The following ZC3H12D variants were observed in gnomAD, a reference collection of about 807,000 sequenced individuals.
ZC3H12D encodes probable ribonuclease ZC3H12D.
Under a neutral mutation model 24.2 loss-of-function variants are expected in ZC3H12D, and 11 were observed. That is an observed-to-expected ratio of 0.46 (90% confidence interval 0.29 to 0.75). The LOEUF is 0.75. ZC3H12D is among the 30% of genes least tolerant of loss of function. The probability of loss-of-function intolerance (pLI) is 0.11; values close to 1 mark genes in which losing one functional copy is unlikely to be tolerated. For synonymous variants in ZC3H12D, 333 were observed against 341.8 expected, an observed-to-expected ratio of 0.97 and a Z score of 0.28; for missense variants, 740 against 767.7, an observed-to-expected ratio of 0.96 and a Z score of 0.43.
At chr6:149,464,528 C>T (rs1339972203) in intron 2 of ZC3H12D, among the ~76,000 whole-genome samples, 3 of 152,174 alleles carry the variant, frequency 2.0e-5, no homozygotes, top group Admixed American at 6.5e-5. Flanking sequence ...ATCCCTCTCA[C>T]GAGCTCTCAC....
intron 2 of ZC3H12D, among the ~76,000 whole-genome samples, chr6:149,467,258 T>C (rs1405014525): frequency 6.6e-6 from 1 of 152,178 alleles, no homozygotes; most frequent in African/African-American, 2.4e-5. Flanking sequence ...GGAGCTCTTT[T>C]TTTTTTATTT....
chr6:149,476,982 G>A (rs532069430), intron 1 of ZC3H12D, among the ~76,000 whole-genome samples: 3 of 152,320 alleles, frequency 2.0e-5, no homozygotes, highest in Admixed American at 6.5e-5. Context: ...GAGTGAATAC[G>A]TTCTTCAGTG....
At chr6:149,460,835 A>AAT (rs1441275839) in intron 3 of ZC3H12D, among the ~76,000 whole-genome samples, 1 of 148,042 alleles carries the variant, frequency 6.8e-6, no homozygotes. Context: ...CATGTCAAAA[A>AAT]AAAAAAAGAA....
intron 3 of ZC3H12D, among the ~76,000 whole-genome samples, chr6:149,457,723 T>C (rs1776006376): frequency 6.6e-6 from 1 of 152,052 alleles, no homozygotes; most frequent in African/African-American, 2.4e-5. Context: ...GAGGCTAAAA[T>C]CTGCATCCCA....
At chr6:149,484,525 C>CT (rs1235041338) in intron 1 of ZC3H12D, among the ~76,000 whole-genome samples, 4 of 152,190 alleles carry the variant, frequency 2.6e-5, no homozygotes, top group African/African-American at 9.7e-5. Context: ...TCTGGTTAAT[C>CT]TTTCCCCCAA....
intron 1 of ZC3H12D, among the ~76,000 whole-genome samples, chr6:149,480,486 T>A (rs757967265): frequency 3.3e-5 from 5 of 152,200 alleles, no homozygotes; most frequent in Non-Finnish European, 7.3e-5. Context: ...CAGAACTGAC[T>A]GGGCGCAGTG....
Position 149,450,561 on chromosome 6 carries a change from C to G in ZC3H12D, c.*122G>C. ...GGAGGAGGAAGCAGGCTTCCCTGAC[C>G]ATCTTTAAAGAAAAGGGGGCACCAT... On this transcript the variant is annotated 3_prime_UTR_variant, in exon 6 of 6. Transcript: ENST00000409806. 9.5e-7 allele frequency: 1 copy of G among 1,057,996 alleles called. No individual in the cohort carries two copies. Among genetic ancestry groups the G allele is most frequent in the South Asian group, 1.8e-5 (1 of 56,136 alleles). The allele number at this position is 1,057,996 out of a possible 1,614,324, so 65.5% of individuals were successfully genotyped here. A position where few individuals can be genotyped will look rare whatever the true frequency, so the allele number is the denominator to read the frequency against.
intron 1 of ZC3H12D, among the ~76,000 whole-genome samples, chr6:149,477,632 C>G (rs1471360778): frequency 6.6e-6 from 1 of 152,176 alleles, no homozygotes; most frequent in Non-Finnish European, 1.5e-5. Context: ...CACCCACACC[C>G]TCCATCAGCA....
chr6:149,448,654 A>C lies in ZC3H12D; in HGVS notation c.*2029T>G, dbSNP rs187572257. Reference sequence around the variant, plus strand: ...TGAGATCCCAATATGTTATGGTAAAATTGTGGGTGCACCGTCCTCTTTGGA... The same window carrying C: ...TGAGATCCCAATATGTTATGGTAAACTTGTGGGTGCACCGTCCTCTTTGGA... On this transcript the variant is annotated 3_prime_UTR_variant, in exon 6 of 6. Transcript: ENST00000409806. 6.6e-6 allele frequency: 1 copy of C among 152,336 alleles called. No individual in the cohort carries two copies. The highest frequency in any genetic ancestry group is 6.5e-5 in the Admixed American group (1 of 15,308). The allele number at this position is 152,336 out of a possible 1,614,324, so 9.4% of individuals were successfully genotyped here. A position where few individuals can be genotyped will look rare whatever the true frequency, so the allele number is the denominator to read the frequency against.
At chr6:149,451,614 C>G (rs866680248) in intron 5 of ZC3H12D, 135 bp from the exon 6 acceptor site, 20 of 770,728 alleles carry the variant, frequency 2.6e-5, no homozygotes, top group South Asian at 1.7e-4. Flanking sequence ...CCCAGGCCGC[C>G]GCGGACTCCT....
Position 149,477,242 on chromosome 6 carries a change from C to T in ZC3H12D, c.-70-2629G>A, listed in dbSNP as rs571070879. On this transcript the variant is annotated intron_variant, in intron 1 of 5. Transcript: ENST00000409806. Reference sequence around the variant, plus strand: ...AGTTCAGGAGCCACAGCAGGTCTAACAATGGCAGGGTCTGGCAGGTGAAGG... The same window carrying T: ...AGTTCAGGAGCCACAGCAGGTCTAATAATGGCAGGGTCTGGCAGGTGAAGG... 2.6e-4 allele frequency among the ~76,000 whole-genome samples: 39 copies of T among 152,392 alleles called. 1 individual carries two copies. In the South Asian group the frequency reaches 7.7e-3, roughly 30 times the overall value.
At position 149,462,097 on chromosome 6, in the gene ZC3H12D, G is replaced by A. The variant is rs1776083484; in HGVS notation, c.306-127C>T. 6 of 1,207,806 alleles carry A rather than the reference G, an allele frequency of 5.0e-6. No homozygotes were observed. The East Asian group carries it at 1.1e-4, about 22-fold the overall frequency. The allele number at this position is 1,207,806 out of a possible 1,614,324, so 74.8% of individuals were successfully genotyped here. A position where few individuals can be genotyped will look rare whatever the true frequency, so the allele number is the denominator to read the frequency against. On this transcript the variant is annotated intron_variant, in intron 2 of 5. Transcript: ENST00000409806. ...CCAGGAAAATCTATGTTTTAGGCCA[G>A]GAGTGGTGGCTCATGCCTGTAATCC...
Position 149,451,343 on chromosome 6 carries a change from T to C in ZC3H12D, c.924A>G (p.Pro308=), listed in dbSNP as rs903680558. 1.4e-6 allele frequency: 2 copies of C among 1,455,364 alleles called. No homozygotes were observed. The highest frequency in any genetic ancestry group is 1.8e-6 in the Non-Finnish European group (2 of 1,114,904). 90.2% of individuals were successfully genotyped at this position (1,455,364 alleles called of 1,614,324 possible). A position where few individuals can be genotyped will look rare whatever the true frequency, so the allele number is the denominator to read the frequency against. ...CTGCGGAGCCGCCCGGGGCTCTCGG[T>C]GGCCGCTGCTCCTCGGCGCCCGCGC... The part of the protein sequence containing the change: ...RPGAGAEEQR[P]PRAPGGSAGA... Residue 308 remains proline, a synonymous_variant, in exon 6 of 6, where the codon CCA becomes CCG. Coordinates refer to ENST00000409806, the MANE Select transcript of ZC3H12D (RefSeq NM_207360.3).
chr6:149,461,020 G>A (rs1776064184), intron 3 of ZC3H12D, among the ~76,000 whole-genome samples: 1 of 151,992 alleles, frequency 6.6e-6, no homozygotes, highest in South Asian at 2.1e-4. Context: ...ATATTTGTAG[G>A]TTAAAATATT....
At chr6:149,481,376 ATTT>A (rs759834200) in intron 1 of ZC3H12D, among the ~76,000 whole-genome samples, 3 of 142,628 alleles carry the variant, frequency 2.1e-5, no homozygotes, top group African/African-American at 2.6e-5. Context: ...GTGGCTTAGC[ATTT>A]TTTTTTTTTT....
rs77825679 is a variant in ZC3H12D at position 149,484,816 on chromosome 6, C to T, written c.-74G>A. 3,129 of 152,292 alleles carry T rather than the reference C, an allele frequency of 0.021. 47 individuals are homozygous for T. Among genetic ancestry groups the T allele is most frequent in the Non-Finnish European group, 0.033 (2,272 of 68,026 alleles). 9.4% of individuals were successfully genotyped at this position (152,292 alleles called of 1,614,324 possible). A position where few individuals can be genotyped will look rare whatever the true frequency, so the allele number is the denominator to read the frequency against. ...CAGCCAGGGGACATGCACTCACCAG[C>T]AGGGTGTGTCCCTCCGGTCTTCACA... On this transcript the variant is annotated 5_prime_UTR_variant, in exon 1 of 6. Transcript: ENST00000409806.
chr6:149,480,754 C>A (rs1343294279), intron 1 of ZC3H12D, among the ~76,000 whole-genome samples: 7 of 148,656 alleles, frequency 4.7e-5, no homozygotes, highest in African/African-American at 1.8e-4. Context: ...ACAAAAAAAA[C>A]AAACAAAAAA....
At position 149,450,917 on chromosome 6, in the gene ZC3H12D, G is replaced by C; in HGVS notation, c.1350C>G (p.Ser450=). The part of the protein sequence containing the change: ...PPRSDRFPGR[S]VWAEPAWGDG... ...CGCCCCAGGCCGGCTCCGCCCAGAC[G>C]GAGCGCCCAGGGAAGCGGTCGGAGC... The change falls in exon 6 of 6, where the codon TCC becomes TCG. Residue 450 remains serine, a synonymous_variant. Transcript: ENST00000409806. 6.5e-7 allele frequency: 1 copy of C among 1,540,034 alleles called. No homozygotes were observed. Among genetic ancestry groups the C allele is most frequent in the Non-Finnish European group, 8.7e-7 (1 of 1,145,948 alleles).
At position 149,450,760 on chromosome 6, in the gene ZC3H12D, C is replaced by G; in HGVS notation, c.1507G>C (p.Glu503Gln). 2 of 1,549,274 alleles carry G rather than the reference C, an allele frequency of 1.3e-6. No individual in the cohort carries two copies. Among genetic ancestry groups the G allele is most frequent in the Admixed American group, 2.0e-5 (1 of 50,990 alleles). ...ATGAGCCTGGCGAGGTCTGAGAGCT[C>G]CGGGAACGCGGCCATCACGCGGTCC... ...QVDRVMAAFPELSDLARLILL... is the reference protein window; with the variant it reads ...QVDRVMAAFPQLSDLARLILL... The change falls in exon 6 of 6, where the codon GAG (glutamate) becomes CAG (glutamine). Residue 503 changes from glutamate (E) to glutamine (Q), a missense_variant. By Grantham distance (29) the Glu-to-Gln change is conservative. Coordinates refer to ENST00000409806, the MANE Select transcript of ZC3H12D (RefSeq NM_207360.3).
Sources: gnomAD v4.1 joint callset for allele counts (sites outside exome capture counted in the v4.1 genomes callset) on GRCh38, gnomAD v4.1.1 for gene constraint, MANE v1.5 for transcripts, NCBI Gene and HGNC (gene_info 2026-07-23, HGNC 2026-07-21) for gene names.